Variants in AGO2 observed in about 807,000 individuals in gnomAD.
AGO2 encodes argonaute RISC catalytic component 2, also known as protein argonaute-2.
Under a neutral mutation model 102.3 loss-of-function variants are expected in AGO2, and 5 were observed. The observed-to-expected ratio is 0.05, with a 90% CI of 0.03 to 0.10. The LOEUF is 0.10. Among genes scored for constraint, AGO2 ranks in the 10% least tolerant of loss-of-function variants. The probability of loss-of-function intolerance (pLI) is 1.00; values close to 1 mark genes in which losing one functional copy is unlikely to be tolerated. For missense variants in AGO2, 541 were observed against 1,183.7 expected, an observed-to-expected ratio of 0.46 and a Z score of 7.97; for synonymous variants, 449 against 473.1, an observed-to-expected ratio of 0.95 and a Z score of 0.66.
intron 1 of AGO2, among the ~76,000 whole-genome samples, chr8:140,628,155 T>C (rs1289412367): frequency 6.6e-6 from 1 of 152,258 alleles, no homozygotes; most frequent in African/African-American, 2.4e-5. Flanking sequence ...AATTCTGTGA[T>C]TCCTGCTCCC....
At chr8:140,613,929 C>T (rs1171372116) in intron 1 of AGO2, among the ~76,000 whole-genome samples, 1 of 144,488 alleles carries the variant, frequency 6.9e-6, no homozygotes, top group African/African-American at 2.6e-5. Context: ...GAAGTGAGAT[C>T]GCTTGAGTGC....
intron 3 of AGO2, among the ~76,000 whole-genome samples, chr8:140,566,619 G>C (rs1265257222): frequency 2.6e-5 from 3 of 116,668 alleles, no homozygotes; most frequent in Non-Finnish European, 3.8e-5. Flanking sequence ...TTTTTTTTTT[G>C]GGGGGGGGGA....
intron 2 of AGO2, among the ~76,000 whole-genome samples, chr8:140,573,226 G>C (rs1415357225): frequency 2.6e-5 from 4 of 151,812 alleles, no homozygotes; most frequent in African/African-American, 4.8e-5. Flanking sequence ...CTGGAGTGCA[G>C]TGGCACGATC....
chr8:140,559,226 T>C (rs2073155115), intron 6 of AGO2, among the ~76,000 whole-genome samples, 169 bp downstream of exon 6: 1 of 152,148 alleles, frequency 6.6e-6, no homozygotes, highest in Non-Finnish European at 1.5e-5. Context: ...ACTCCCGCTC[T>C]GGGAAATGGA....
chr8:140,635,881 C>T (rs1407936511), upstream of AGO2, among the ~76,000 whole-genome samples: 2 of 126,184 alleles, frequency 1.6e-5, no homozygotes, highest in Non-Finnish European at 3.4e-5. Context: ...GTGGGAACCG[C>T]GGGCGGGAGC....
At position 140,567,015 on chromosome 8, in the gene AGO2, G is replaced by A. The variant is rs775765888; in HGVS notation, c.337-4381C>T. On this transcript the variant is annotated intron_variant, in intron 3 of 18. Transcript: ENST00000220592. This position sits in a 1 kb window ranked among gnomAD's most constrained non-coding sequence, Gnocchi z 5.0. ...GAGTACATCTGCGGCAACAGCACTC[G>A]GCATCCAGCCTACAGTGCTGTGCCC... Among the ~76,000 whole-genome samples the A allele has an allele frequency of 1.3e-5, 2 of 152,250 alleles. 1 individual carries two copies. The highest frequency in any genetic ancestry group is 1.3e-4 in the Admixed American group (2 of 15,286).
intron 1 of AGO2, among the ~76,000 whole-genome samples, chr8:140,613,958 T>C (rs1158396100): frequency 7.6e-6 from 1 of 130,986 alleles, no homozygotes; most frequent in Non-Finnish European, 1.5e-5. Context: ...GAAACTGCAG[T>C]GAACCATGAT....
intron 2 of AGO2, among the ~76,000 whole-genome samples, chr8:140,583,541 G>A (rs886945503): frequency 2.6e-5 from 4 of 152,068 alleles, no homozygotes; most frequent in African/African-American, 4.8e-5. Context: ...TGCTGAACAC[G>A]GCAGGCAATT....
chr8:140,551,489 C>G, intron 10 of AGO2, 53 bp from the exon 11 acceptor site: 1 of 1,439,370 alleles, frequency 6.9e-7, no homozygotes, highest in Non-Finnish European at 9.2e-7. Flanking sequence ...CATATTCCTT[C>G]AACCTTAGAC....
chr8:140,557,371 T>C lies in AGO2; in HGVS notation c.879-135A>G, dbSNP rs1441449515. 9 of 1,107,294 alleles carry C rather than the reference T, an allele frequency of 8.1e-6. No homozygotes were observed. The highest frequency in any genetic ancestry group is 3.2e-5 in the African/African-American group (2 of 63,246). 68.6% of individuals were successfully genotyped at this position (1,107,294 alleles called of 1,614,324 possible). A position where few individuals can be genotyped will look rare whatever the true frequency, so the allele number is the denominator to read the frequency against. On this transcript the variant is annotated intron_variant, in intron 7 of 18. Coordinates refer to ENST00000220592, the MANE Select transcript of AGO2 (RefSeq NM_012154.5). The surrounding 1 kb of genome is among the most constrained non-coding windows in gnomAD (Gnocchi z 5.9). ...AGAGCACTTCCGGGAGTGAAAACCA[T>C]GTCATGTGCTTTGGGTTATCTGGAA...
At chr8:140,561,573 C>T (rs576048663) in intron 4 of AGO2, among the ~76,000 whole-genome samples, 25 of 152,300 alleles carry the variant, frequency 1.6e-4, no homozygotes, top group African/African-American at 6.0e-4. Context: ...ACAGATTACA[C>T]GTGGGGGAAG....
intron 1 of AGO2, among the ~76,000 whole-genome samples, chr8:140,625,002 C>T (rs2074258262): frequency 6.6e-6 from 1 of 152,176 alleles, no homozygotes; most frequent in African/African-American, 2.4e-5. Context: ...CAGCCTCCTC[C>T]AGGAAGGCCT....
At chr8:140,633,865 G>A (rs2074370244) in intron 1 of AGO2, among the ~76,000 whole-genome samples, 1 of 152,224 alleles carries the variant, frequency 6.6e-6, no homozygotes, top group South Asian at 2.1e-4. Flanking sequence ...CAAGTGGAGT[G>A]AATTAAGTAA....
At chr8:140,534,344 G>A (rs908515039) in intron 17 of AGO2, among the ~76,000 whole-genome samples, 1 of 152,240 alleles carries the variant, frequency 6.6e-6, no homozygotes, top group African/African-American at 2.4e-5. Flanking sequence ...GGAGGCCCTG[G>A]TGGGTGAGGC....
At chr8:140,594,182 T>C (rs147692068) in intron 1 of AGO2, among the ~76,000 whole-genome samples, 1 of 152,126 alleles carries the variant, frequency 6.6e-6, no homozygotes, top group African/African-American at 2.4e-5. Context: ...GGCAAGCCAC[T>C]GGCAGCACTC....
At chr8:140,632,791 ATTTG>A (rs1312763743) in intron 1 of AGO2, among the ~76,000 whole-genome samples, 3 of 152,182 alleles carry the variant, frequency 2.0e-5, no homozygotes, top group Admixed American at 6.5e-5. Context: ...ACGTCACAGC[ATTTG>A]TTTGTGATTG....
intron 10 of AGO2, among the ~76,000 whole-genome samples, chr8:140,552,736 GCGCGCACACA>G (rs1169364853): frequency 1.7e-4 from 22 of 132,994 alleles, no homozygotes; most frequent in Non-Finnish European, 3.4e-4. Flanking sequence ...GCACGCGCGC[GCGCGCACACA>G]CACACACACA....
chr8:140,587,567 G>C (rs1310153249), intron 1 of AGO2, among the ~76,000 whole-genome samples: 1 of 152,234 alleles, frequency 6.6e-6, no homozygotes, highest in African/African-American at 2.4e-5. Context: ...GCGTGCAAGA[G>C]GAGACAGAGC....
At chr8:140,627,970 A>C (rs1387989304) in intron 1 of AGO2, among the ~76,000 whole-genome samples, 1 of 151,870 alleles carries the variant, frequency 6.6e-6, no homozygotes, top group Non-Finnish European at 1.5e-5. Flanking sequence ...TCCCTCCCTC[A>C]ATTCCACTCC....
Sources: gnomAD v4.1 joint callset for allele counts (sites outside exome capture counted in the v4.1 genomes callset) on GRCh38, gnomAD v4.1.1 for gene constraint, Gnocchi (gnomAD v3.1) non-coding constraint, MANE v1.5 for transcripts, NCBI Gene and HGNC (gene_info 2026-07-23, HGNC 2026-07-21) for gene names.